TPRG1: variants seen among roughly 807,000 people sequenced by gnomAD.
The protein encoded by TPRG1 is tumor protein p63-regulated gene 1 protein.
TPRG1 carries 29 observed loss-of-function variants against 29.3 expected under a neutral mutation model. That is an observed-to-expected ratio of 0.99 (90% confidence interval 0.74 to 1.35). The LOEUF is 1.35. Among genes scored for constraint, TPRG1 ranks in the 40% most tolerant of loss-of-function variants. The pLI, the probability that TPRG1 is intolerant of heterozygous loss-of-function variation, is 0.00. For synonymous variants in TPRG1, 130 were observed against 116.8 expected (o/e 1.11, Z -0.73); for missense variants, 327 against 335.0 (o/e 0.98, Z 0.19).
chr3:189,224,029 C>T (rs1333121108), intron 3 of TPRG1, among the ~76,000 whole-genome samples: 5 of 152,092 alleles, frequency 3.3e-5, no homozygotes, highest in African/African-American at 1.2e-4. Flanking sequence ...GAAAGACAGA[C>T]ATGTAAACAA....
At chr3:189,146,578 C>G (rs1205791508) in intron 3 of TPRG1, among the ~76,000 whole-genome samples, 5 of 152,166 alleles carry the variant, frequency 3.3e-5, no homozygotes, top group Admixed American at 1.3e-4. Flanking sequence ...CTTGTACATA[C>G]CCATGTTAGA....
At chr3:189,198,173 CT>C (rs1256443559) in intron 1 of TPRG1, among the ~76,000 whole-genome samples, 4 of 152,200 alleles carry the variant, frequency 2.6e-5, no homozygotes, top group South Asian at 2.1e-4. Context: ...TTACCTGCCA[CT>C]TTTGGAACAC....
At chr3:189,137,890 C>A (rs182205828) in intron 3 of TPRG1, among the ~76,000 whole-genome samples, 1 of 152,190 alleles carries the variant, frequency 6.6e-6, no homozygotes, top group African/African-American at 2.4e-5. Flanking sequence ...TGGACAATTC[C>A]ATTTGTCTCT....
At chr3:189,312,135 T>C (rs569889130) in intron 5 of TPRG1, among the ~76,000 whole-genome samples, 12,924 of 51,710 alleles carry the variant, frequency 0.25, 1,407 homozygotes, top group Middle Eastern at 0.34. Flanking sequence ...CTTTCTTTCT[T>C]TCTTTCTTTC....
At chr3:189,032,391 A>G (rs1021368077) in intron 4 of TPRG1, among the ~76,000 whole-genome samples, 1 of 152,188 alleles carries the variant, frequency 6.6e-6, no homozygotes, top group African/African-American at 2.4e-5. Context: ...CCAAAACTGT[A>G]TGAAAATAAA....
intron 3 of TPRG1, among the ~76,000 whole-genome samples, chr3:189,145,801 T>C (rs1185725532): frequency 1.3e-5 from 2 of 152,188 alleles, no homozygotes; most frequent in Non-Finnish European, 2.9e-5. Flanking sequence ...ATCAGGACCA[T>C]ATTTATGACA....
chr3:189,070,196 C>T (rs776238152), intron 4 of TPRG1, among the ~76,000 whole-genome samples: 4 of 152,200 alleles, frequency 2.6e-5, no homozygotes, highest in South Asian at 2.1e-4. Flanking sequence ...ATTTATATAA[C>T]GCTTATGAAA....
At chr3:189,132,149 CTTCTT>C (rs1380766830) in intron 2 of TPRG1, among the ~76,000 whole-genome samples, 1 of 152,294 alleles carries the variant, frequency 6.6e-6, no homozygotes, top group East Asian at 1.9e-4. Context: ...AACTTGGTCT[CTTCTT>C]TTCTTTGCAT....
Position 189,320,638 on chromosome 3 carries a change from A to G in TPRG1, c.646A>G (p.Met216Val), listed in dbSNP as rs919042694. The G allele has an allele frequency of 1.2e-5, 20 of 1,604,888 alleles. No individual in the cohort carries two copies. The highest frequency in any genetic ancestry group is 1.2e-4 in the African/African-American group (9 of 74,168). Reference protein sequence around the residue: ...FLEICKLSGFMSKLVPAIQNA... With the variant: ...FLEICKLSGFVSKLVPAIQNA... ...TTTTCTTCTTCAGTTGTCTGGGTTC[A>G]TGTCTAAGCTTGTTCCAGCTATCCA... is the stretch of plus-strand genomic sequence containing the variant. The change falls in exon 6 of 6, where the codon ATG becomes GTG. Residue 216 changes from methionine to valine, a missense_variant. Physicochemically the swap from Met to Val is conservative, Grantham distance 21. Coordinates refer to ENST00000345063, the MANE Select transcript of TPRG1 (RefSeq NM_198485.4).
At chr3:189,001,539 T>G (rs1042416680) in intron 2 of TPRG1, among the ~76,000 whole-genome samples, 1 of 152,134 alleles carries the variant, frequency 6.6e-6, no homozygotes, top group Non-Finnish European at 1.5e-5. Context: ...TAAAAGACAC[T>G]AATTCCATTA....
At chr3:189,163,507 A>G (rs1159846456) in intron 5 of TPRG1, among the ~76,000 whole-genome samples, 1 of 152,172 alleles carries the variant, frequency 6.6e-6, no homozygotes, top group African/African-American at 2.4e-5. Context: ...GTTATAGCCA[A>G]TTGTTTTGGT....
At chr3:189,123,047 A>T (rs1413731958) in intron 1 of TPRG1, among the ~76,000 whole-genome samples, 1 of 152,226 alleles carries the variant, frequency 6.6e-6, no homozygotes, top group African/African-American at 2.4e-5. Context: ...GAAATGAGTG[A>T]GCTTGCCTTC....
chr3:189,289,115 T>G (rs1718565557), intron 4 of TPRG1, among the ~76,000 whole-genome samples: 1 of 152,226 alleles, frequency 6.6e-6, no homozygotes, highest in Non-Finnish European at 1.5e-5. Flanking sequence ...CACCTGCACT[T>G]CTTCCCCGTG....
At chr3:189,247,900 AT>A (rs1451778866) in intron 4 of TPRG1, among the ~76,000 whole-genome samples, 1 of 151,922 alleles carries the variant, frequency 6.6e-6, no homozygotes, top group Admixed American at 6.6e-5. Context: ...TTAATATGCT[AT>A]TGAATATTAA....
chr3:189,148,852 A>C (rs1725581687), intron 4 of TPRG1, among the ~76,000 whole-genome samples: 1 of 152,226 alleles, frequency 6.6e-6, no homozygotes, highest in Non-Finnish European at 1.5e-5. Context: ...TTCTGGTCAA[A>C]GCAGAAGTGG....
chr3:189,120,085 C>T (rs188993508), intron 1 of TPRG1, among the ~76,000 whole-genome samples: 276 of 152,234 alleles, frequency 1.8e-3, no homozygotes, highest in African/African-American at 5.6e-3. Context: ...ACATACTAAA[C>T]GAACAAACCC....
intron 1 of TPRG1, among the ~76,000 whole-genome samples, chr3:189,109,331 G>A (rs893389569): frequency 5.9e-5 from 9 of 152,206 alleles, no homozygotes; most frequent in Non-Finnish European, 1.2e-4. Context: ...ACACACAGTA[G>A]CCTTGTAAGA....
intron 3 of TPRG1, among the ~76,000 whole-genome samples, chr3:189,145,080 C>A (rs1725065362): frequency 6.6e-6 from 1 of 152,032 alleles, no homozygotes; most frequent in African/African-American, 2.4e-5. Context: ...AAAAATGACA[C>A]CGGCCGGGTG....
At chr3:189,097,981 G>A (rs1031233022), upstream of TPRG1, among the ~76,000 whole-genome samples, 4 of 152,186 alleles carry the variant, frequency 2.6e-5, no homozygotes, top group East Asian at 1.9e-4. Context: ...GATCTATACC[G>A]AAGATTTAAG....
Sources: gnomAD v4.1 joint callset for allele counts (sites outside exome capture counted in the v4.1 genomes callset) on GRCh38, gnomAD v4.1.1 for gene constraint, MANE v1.5 for transcripts, NCBI Gene and HGNC (gene_info 2026-07-23, HGNC 2026-07-21) for gene names.